GFRA2: variants seen among roughly 807,000 people sequenced by gnomAD.
The protein encoded by GFRA2 is GDNF family receptor alpha-2.
In GFRA2, 17 loss-of-function variants were observed where a neutral mutation model predicts 48.3. The ratio of observed to expected loss-of-function variants is 0.35; its 90% CI spans 0.24 to 0.53. The LOEUF (loss-of-function observed/expected upper bound fraction) is 0.53. Among genes scored for constraint, GFRA2 ranks in the 20% least tolerant of loss-of-function variants. The pLI is 0.93. For missense variants in GFRA2, 660 were observed against 637.3 expected (o/e 1.04, Z -0.38); for synonymous variants, 305 against 257.2 (o/e 1.19, Z -1.78).
At chr8:21,720,977 G>C (rs1047845146) in intron 4 of GFRA2, among the ~76,000 whole-genome samples, 10 of 147,806 alleles carry the variant, frequency 6.8e-5, no homozygotes, top group African/African-American at 2.5e-4. Context: ...CGGATGGAGG[G>C]AGGAAGAGAA....
chr8:21,712,072 T>A (rs546556678), intron 4 of GFRA2, among the ~76,000 whole-genome samples: 7 of 152,240 alleles, frequency 4.6e-5, no homozygotes, highest in Non-Finnish European at 1.0e-4. Flanking sequence ...AAGTCTCCCA[T>A]GTCTACTTCT....
intron 4 of GFRA2, among the ~76,000 whole-genome samples, chr8:21,709,004 G>T (rs1585237072): frequency 6.6e-6 from 1 of 152,064 alleles, no homozygotes; most frequent in Non-Finnish European, 1.5e-5. Context: ...GAAGCTAAGG[G>T]GATATGATCA....
chr8:21,726,482 G>A (rs1012898921), intron 4 of GFRA2, among the ~76,000 whole-genome samples: 1 of 152,160 alleles, frequency 6.6e-6, no homozygotes, highest in African/African-American at 2.4e-5. Flanking sequence ...CAGTTCTGGA[G>A]GCCAGAAGTC....
chr8:21,810,765 G>A (rs1010381850), intron 1 of GFRA2, among the ~76,000 whole-genome samples: 3 of 152,192 alleles, frequency 2.0e-5, no homozygotes, highest in African/African-American at 7.2e-5. Context: ...TGGGAATGGG[G>A]CCCCTGGAAT....
intron 3 of GFRA2, among the ~76,000 whole-genome samples, chr8:21,768,282 T>C (rs1806276489): frequency 1.3e-5 from 2 of 152,216 alleles, no homozygotes; most frequent in African/African-American, 4.8e-5. Context: ...GAATGTGATT[T>C]TGAAATTTAA....
chr8:21,810,028 G>A (rs759592435), intron 1 of GFRA2, among the ~76,000 whole-genome samples: 45 of 152,204 alleles, frequency 3.0e-4, no homozygotes, highest in Non-Finnish European at 5.4e-4. Flanking sequence ...ATCTCCCAAC[G>A]CATGATCTGA....
chr8:21,735,550 C>A (rs11774741), intron 4 of GFRA2, among the ~76,000 whole-genome samples: 1 of 150,196 alleles, frequency 6.7e-6, no homozygotes, highest in Admixed American at 6.6e-5. Context: ...CCACCCACTG[C>A]TGGTGCTGAG....
Position 21,782,648 on chromosome 8 carries a change from C to A in GFRA2, c.292G>T (p.Gly98Cys). The change falls in exon 2 of 9, where the codon GGC becomes TGC. Residue 98 changes from glycine to cysteine, a missense_variant. Coordinates refer to ENST00000524240, the MANE Select transcript of GFRA2 (RefSeq NM_001495.5). The part of the protein sequence containing the change: ...SPLYDCRCKR[G>C]MKKELQCLQI... ...AGACACTGCAGCTCCTTCTTCATGC[C>A]CCGCTTGCAGCGGCAGTCGTACAGC... The A allele has an allele frequency of 1.9e-6, 3 of 1,586,040 alleles. No individual in the cohort carries two copies. The highest frequency in any genetic ancestry group is 2.6e-6 in the Non-Finnish European group (3 of 1,166,654).
chr8:21,705,151 A>G, intron 5 of GFRA2, 26 bp from the exon 6 acceptor site: 1 of 1,597,794 alleles, frequency 6.3e-7, no homozygotes, highest in Non-Finnish European at 8.5e-7. Flanking sequence ...GGTGGGGGAG[A>G]GGAGAGAGGT....
intron 4 of GFRA2, among the ~76,000 whole-genome samples, chr8:21,713,068 G>GAGAGGGAGAGGGAGAGGC (rs1803152204): frequency 1.4e-5 from 2 of 147,326 alleles, no homozygotes; most frequent in South Asian, 2.2e-4. Context: ...GAGGGAAAGG[G>GAGAGGGAGAGGGAGAGGC]AGAGGGAGAG....
At chr8:21,743,746 C>A (rs1206060454) in intron 4 of GFRA2, among the ~76,000 whole-genome samples, 2 of 152,232 alleles carry the variant, frequency 1.3e-5, no homozygotes, top group Non-Finnish European at 2.9e-5. Context: ...CCCTCCTATG[C>A]CTGTGGCAGG....
rs770732315 is a variant in GFRA2 at position 21,750,822 on chromosome 8, C to T, written c.560G>A (p.Arg187His). The T allele has an allele frequency of 2.2e-5, 35 of 1,613,746 alleles. No homozygotes were observed. The highest frequency in any genetic ancestry group is 1.6e-4 in the Middle Eastern group (1 of 6,084). ...LRSSYISICN[R>H]EISPTERCNR... ...GCAGCGCTCGGTGGGCGAGATCTCG[C>T]GGTTGCAGATGGAGATGTAGGAGGA... The change falls in exon 4 of 9, where the codon CGC (arginine) becomes CAC (histidine). Residue 187 changes from arginine to histidine, a missense_variant. Arg to His is a conservative substitution (Grantham distance 29). Transcript: ENST00000524240. This position sits in a 1 kb window ranked among gnomAD's most constrained non-coding sequence, Gnocchi z 5.7.
intron 7 of GFRA2, among the ~76,000 whole-genome samples, chr8:21,695,749 T>C (rs962648754): frequency 5.9e-5 from 9 of 151,734 alleles, no homozygotes; most frequent in African/African-American, 2.2e-4. Flanking sequence ...CGGGGAAGGG[T>C]GTCAGGGAAA....
At chr8:21,739,946 T>C (rs1804667593) in intron 4 of GFRA2, among the ~76,000 whole-genome samples, 1 of 152,212 alleles carries the variant, frequency 6.6e-6, no homozygotes, top group Admixed American at 6.5e-5. Context: ...TGAAGGACTC[T>C]TTTAGCCATA....
chr8:21,778,425 A>G (rs1806815463), intron 2 of GFRA2, among the ~76,000 whole-genome samples: 1 of 152,206 alleles, frequency 6.6e-6, no homozygotes, highest in Non-Finnish European at 1.5e-5. Flanking sequence ...CTTCTATGGA[A>G]GGAAAAAAGT....
chr8:21,782,529 G>C, intron 2 of GFRA2, 56 bp downstream of exon 2: 2 of 1,350,246 alleles, frequency 1.5e-6, no homozygotes, highest in Non-Finnish European at 2.0e-6. Flanking sequence ...CCCGCCACAC[G>C]TCCTCTCTGC....
At chr8:21,804,387 T>A (rs1807822967) in intron 2 of GFRA2, among the ~76,000 whole-genome samples, 1 of 151,724 alleles carries the variant, frequency 6.6e-6, no homozygotes, top group Non-Finnish European at 1.5e-5. Context: ...TTTAATTATC[T>A]TATAGAAAAG....
chr8:21,751,802 G>A (rs1805307346), intron 3 of GFRA2, among the ~76,000 whole-genome samples: 1 of 152,130 alleles, frequency 6.6e-6, no homozygotes, highest in African/African-American at 2.4e-5. Flanking sequence ...GCCCATTAAA[G>A]ATTGATCAGG....
intron 2 of GFRA2, among the ~76,000 whole-genome samples, chr8:21,780,549 C>G (rs912702421): frequency 6.6e-6 from 1 of 152,144 alleles, no homozygotes; most frequent in Non-Finnish European, 1.5e-5. Flanking sequence ...TACCTGCAGG[C>G]TCATGTCCCT....
Sources: gnomAD v4.1 joint callset for allele counts (sites outside exome capture counted in the v4.1 genomes callset) on GRCh38, gnomAD v4.1.1 for gene constraint, Gnocchi (gnomAD v3.1) non-coding constraint, MANE v1.5 for transcripts, NCBI Gene and HGNC (gene_info 2026-07-23, HGNC 2026-07-21) for gene names.